The following GALNT17 variants were observed in gnomAD, a reference collection of about 807,000 sequenced individuals.
GALNT17 encodes UDP-GalNAc:polypeptide N-acetylgalactosaminyltransferase-like 3.
In GALNT17, 29 loss-of-function variants were observed where a neutral mutation model predicts 63.7. The ratio of observed to expected loss-of-function variants is 0.46; its 90% confidence interval spans 0.34 to 0.62. GALNT17 has a LOEUF of 0.62. Among genes scored for constraint, GALNT17 ranks in the 20% least tolerant of loss-of-function variants. The probability of loss-of-function intolerance (pLI) is 0.01; values close to 1 mark genes in which losing one functional copy is unlikely to be tolerated. For synonymous variants in GALNT17, 305 were observed against 318.3 expected (o/e 0.96, Z 0.45); for missense variants, 603 against 799.6 (o/e 0.75, Z 2.97).
chr7:71,154,695 G>A (rs911200223), intron 1 of GALNT17, among the ~76,000 whole-genome samples: 1 of 152,096 alleles, frequency 6.6e-6, no homozygotes, highest in Non-Finnish European at 1.5e-5. Flanking sequence ...TCCTGCCTCA[G>A]CCTCCTGAGT....
chr7:71,303,534 T>A (rs1157782000), intron 1 of GALNT17, among the ~76,000 whole-genome samples: 1 of 152,156 alleles, frequency 6.6e-6, no homozygotes, highest in Non-Finnish European at 1.5e-5. Flanking sequence ...ATTGGGACAC[T>A]TGAAGATGAA....
chr7:71,407,937 A>G lies in GALNT17; in HGVS notation c.590-7952A>G, dbSNP rs564315814. 1.1e-4 allele frequency among the ~76,000 whole-genome samples: 16 copies of G among 152,244 alleles called. No homozygotes were observed. The East Asian group carries it at 1.2e-3, about 11-fold the overall frequency. On this transcript the variant is annotated intron_variant, in intron 3 of 10. Coordinates refer to ENST00000333538, the MANE Select transcript of GALNT17 (RefSeq NM_022479.3). Reference sequence around the variant, plus strand: ...AGGGGAGATGGGGAGCAGCTGCTCAATGGGTATGGGGTTTATGTTTGGGGT... The same window carrying G: ...AGGGGAGATGGGGAGCAGCTGCTCAGTGGGTATGGGGTTTATGTTTGGGGT...
intron 1 of GALNT17, among the ~76,000 whole-genome samples, chr7:71,219,225 G>A (rs1369064569): frequency 6.6e-6 from 1 of 152,150 alleles, no homozygotes; most frequent in African/African-American, 2.4e-5. Context: ...TCTTCCAAGG[G>A]GGTGGAGTCA....
intron 9 of GALNT17, among the ~76,000 whole-genome samples, chr7:71,697,477 A>G (rs936367904): frequency 2.6e-5 from 4 of 152,130 alleles, no homozygotes; most frequent in African/African-American, 9.7e-5. Context: ...CAAGTCTAGA[A>G]CTAGGGGACT....
intron 6 of GALNT17, among the ~76,000 whole-genome samples, chr7:71,595,483 A>G (rs1789871778): frequency 6.6e-6 from 1 of 151,898 alleles, no homozygotes. Context: ...ATGAATTGAT[A>G]GTCATGATAC....
chr7:71,358,514 G>A (rs1443244924), intron 2 of GALNT17, among the ~76,000 whole-genome samples: 2 of 152,176 alleles, frequency 1.3e-5, no homozygotes, highest in Non-Finnish European at 2.9e-5. Context: ...TTTTAGCTCA[G>A]TCCTACTCTT....
At chr7:71,199,940 G>T (rs1435408772) in intron 1 of GALNT17, among the ~76,000 whole-genome samples, 2 of 152,184 alleles carry the variant, frequency 1.3e-5, no homozygotes, top group Non-Finnish European at 2.9e-5. Context: ...TTACAGAAAA[G>T]TGTGCATTTC....
chr7:71,208,406 A>G (rs1186723459), intron 1 of GALNT17, among the ~76,000 whole-genome samples: 1 of 149,268 alleles, frequency 6.7e-6, no homozygotes, highest in Non-Finnish European at 1.5e-5. Context: ...AGAAACATTT[A>G]TGGCATAGCC....
chr7:71,444,807 A>G (rs1787130960), intron 5 of GALNT17, among the ~76,000 whole-genome samples: 1 of 152,214 alleles, frequency 6.6e-6, no homozygotes, highest in African/African-American at 2.4e-5. Context: ...AGCCTGGGCC[A>G]GCGAGACTCT....
chr7:71,144,140 C>T (rs899101632), intron 1 of GALNT17, among the ~76,000 whole-genome samples: 16 of 152,164 alleles, frequency 1.1e-4, no homozygotes, highest in Non-Finnish European at 1.8e-4. Context: ...ACTTCTCTTA[C>T]ACCTTGTTGA....
At chr7:71,507,086 T>C (rs1206947503) in intron 5 of GALNT17, among the ~76,000 whole-genome samples, 2 of 152,020 alleles carry the variant, frequency 1.3e-5, no homozygotes, top group African/African-American at 2.4e-5. Context: ...CAACTAAAAA[T>C]TAGCTGGGCA....
chr7:71,363,423 G>A (rs990586506), intron 2 of GALNT17, among the ~76,000 whole-genome samples: 3 of 152,202 alleles, frequency 2.0e-5, no homozygotes, highest in African/African-American at 4.8e-5. Context: ...GCAAACACAC[G>A]TTGTGTCCTG....
chr7:71,649,322 A>G (rs1463471920), intron 6 of GALNT17, among the ~76,000 whole-genome samples: 1 of 152,206 alleles, frequency 6.6e-6, no homozygotes, highest in African/African-American at 2.4e-5. Context: ...GCCATAACAC[A>G]CCAATACACC....
chr7:71,305,676 G>A (rs77564476), intron 1 of GALNT17, among the ~76,000 whole-genome samples: 2,310 of 152,228 alleles, frequency 0.015, 25 homozygotes, highest in Middle Eastern at 0.027. Context: ...AGTCCAGTGC[G>A]GGGTCAGCAG....
chr7:71,277,519 A>G (rs1444068572), intron 1 of GALNT17, among the ~76,000 whole-genome samples: 1 of 152,232 alleles, frequency 6.6e-6, no homozygotes, highest in Admixed American at 6.5e-5. Flanking sequence ...TTTAAAAAGA[A>G]TATTACAAAA....
intron 1 of GALNT17, among the ~76,000 whole-genome samples, chr7:71,320,403 A>G (rs1036337407): frequency 2.4e-5 from 3 of 123,328 alleles, no homozygotes; most frequent in Non-Finnish European, 5.1e-5. Context: ...TGCCCAGCTA[A>G]TTTTGAAAAA....
chr7:71,539,644 T>C (rs906352131), intron 5 of GALNT17, among the ~76,000 whole-genome samples: 1 of 152,106 alleles, frequency 6.6e-6, no homozygotes, highest in African/African-American at 2.4e-5. Flanking sequence ...GTAACTTGTT[T>C]TTTTCACTAA....
In GALNT17 at chr7:71,405,416, C is replaced by T. The variant is rs186468294; in HGVS notation, c.590-10473C>T. On this transcript the variant is annotated intron_variant, in intron 3 of 10. Transcript: ENST00000333538. The stretch of plus-strand genomic sequence containing the variant: ...CTGAGGTGGGAAGATCACTTGAGGC[C>T]GGGAGTTTGAGACCAGCCTGAGCAA... 3.3e-4 allele frequency among the ~76,000 whole-genome samples: 50 copies of T among 152,012 alleles called. 4 individuals carry two copies. The highest frequency in any genetic ancestry group is 2.9e-3 in the East Asian group (15 of 5,174).
At chr7:71,185,758 C>T (rs944003897) in intron 1 of GALNT17, among the ~76,000 whole-genome samples, 4 of 152,076 alleles carry the variant, frequency 2.6e-5, no homozygotes, top group Admixed American at 2.0e-4. Flanking sequence ...CCGCCCACCT[C>T]GGCCTACCAA....
Sources: allele counts gnomAD v4.1 joint callset (sites outside exome capture counted in the v4.1 genomes callset), GRCh38; gene constraint gnomAD v4.1.1; transcripts MANE v1.5; gene names NCBI Gene and HGNC (gene_info 2026-07-23, HGNC 2026-07-21).